Variants in ACACA observed in about 807,000 individuals in gnomAD.
ACACA encodes acetyl-CoA carboxylase alpha, also known as acetyl-CoA carboxylase 1.
A neutral mutation model predicts 296.1 loss-of-function variants in ACACA; 103 were observed. The ratio of observed to expected loss-of-function variants is 0.35; its 90% CI spans 0.30 to 0.41. The LOEUF (loss-of-function observed/expected upper bound fraction) is 0.41, where lower values mean the gene tolerates loss of function less well. ACACA is among the 10% of genes least tolerant of loss of function. The pLI, the probability that ACACA is intolerant of heterozygous loss-of-function variation, is 1.00. For missense variants in ACACA, 1,554 were observed against 2,989.7 expected (o/e 0.52, Z 11.20); for synonymous variants, 953 against 1,038.6 (o/e 0.92, Z 1.58).
intron 52 of ACACA, among the ~76,000 whole-genome samples, chr17:37,107,468 AT>A (rs914928923): frequency 1.3e-5 from 2 of 152,218 alleles, no homozygotes; most frequent in Non-Finnish European, 2.9e-5. Flanking sequence ...AGAGAAGCGT[AT>A]CCTCACCTGC....
rs1323812964 is a variant in ACACA, at chr17:37,086,721, G to C, written c.*595C>G. 1 of 155,966 alleles carries C rather than the reference G, an allele frequency of 6.4e-6. No individual in the cohort carries two copies. The highest frequency in any genetic ancestry group is 2.4e-5 in the African/African-American group (1 of 41,472). 9.7% of individuals were successfully genotyped at this position (155,966 alleles called of 1,614,324 possible). On this transcript the variant is annotated 3_prime_UTR_variant, in exon 56 of 56. Transcript: ENST00000616317. ...TTGCCCTCATCTTTGAGTTCCTATG[G>C]AGCTTGTAGTAGATTTTATGCTCTA... is the stretch of plus-strand genomic sequence containing the variant.
chr17:37,170,300 C>T (rs1189728245), intron 41 of ACACA, among the ~76,000 whole-genome samples: 1 of 151,750 alleles, frequency 6.6e-6, no homozygotes, highest in African/African-American at 2.4e-5. Context: ...GAATGAACAG[C>T]TCAAGTGAGG....
intron 52 of ACACA, among the ~76,000 whole-genome samples, chr17:37,100,332 C>T (rs571989633): frequency 2.0e-4 from 31 of 152,234 alleles, no homozygotes; most frequent in African/African-American, 6.7e-4. Flanking sequence ...TAGTGAACAA[C>T]ACCTTAAGCA....
At chr17:37,317,443 G>C (rs1227532024) in intron 3 of ACACA, among the ~76,000 whole-genome samples, 1 of 151,970 alleles carries the variant, frequency 6.6e-6, no homozygotes, top group Non-Finnish European at 1.5e-5. Context: ...GCGGGCACCT[G>C]TAATCTCAGC....
intron 18 of ACACA, 125 bp downstream of exon 18, chr17:37,247,886 T>A (rs1403974064): frequency 5.4e-6 from 6 of 1,102,256 alleles, no homozygotes; most frequent in Non-Finnish European, 6.5e-6. Context: ...GTGCATGTAC[T>A]ATTTTTTTTT....
intron 14 of ACACA, 118 bp from the exon 15 acceptor site, chr17:37,253,154 G>A: frequency 7.0e-7 from 1 of 1,431,076 alleles, no homozygotes; most frequent in Non-Finnish European, 9.7e-7. Context: ...CACTTTGGGA[G>A]GCCAAGACAA....
intron 1 of ACACA, chr17:37,365,476 T>C: frequency 1.0e-6 from 1 of 985,480 alleles, no homozygotes; most frequent in Non-Finnish European, 1.2e-6. Flanking sequence ...TGCCTGCTTA[T>C]CCGTCTTCAC....
chr17:37,136,922 G>A (rs1403858283), intron 45 of ACACA, among the ~76,000 whole-genome samples: 2 of 149,524 alleles, frequency 1.3e-5, no homozygotes, highest in African/African-American at 4.9e-5. Context: ...CAGCCTGAGC[G>A]ACAGAGCGAG....
Position 37,096,911 on chromosome 17 carries a change from G to A in ACACA, c.6891+85C>T. 3 of 1,520,156 alleles carry A rather than the reference G, an allele frequency of 2.0e-6. No individual in the cohort carries two copies. The South Asian group carries it at 3.4e-5, about 17-fold the overall frequency. 94.2% of individuals were successfully genotyped at this position (1,520,156 alleles called of 1,614,324 possible). A position where few individuals can be genotyped will look rare whatever the true frequency, so the allele number is the denominator to read the frequency against. ...CTTCTACTCCTGCCCTTAGAGGCCT[G>A]TGGACTCTTTGCTGGCGAGACTTGC... On this transcript the variant is annotated intron_variant, in intron 54 of 55. Transcript: ENST00000616317.
chr17:37,151,726 A>C (rs1289108067), intron 43 of ACACA, among the ~76,000 whole-genome samples: 2 of 152,154 alleles, frequency 1.3e-5, no homozygotes, highest in Non-Finnish European at 2.9e-5. Flanking sequence ...AAGTGGTGCA[A>C]TCAAGGCTCA....
At chr17:37,347,106 G>C (rs1453675962) in intron 1 of ACACA, among the ~76,000 whole-genome samples, 1 of 152,132 alleles carries the variant, frequency 6.6e-6, no homozygotes, top group Non-Finnish European at 1.5e-5. Flanking sequence ...GACCTGGTGG[G>C]AGGTAATCGA....
chr17:37,148,070 T>G (rs1018639885), intron 45 of ACACA, among the ~76,000 whole-genome samples: 2 of 151,944 alleles, frequency 1.3e-5, no homozygotes, highest in African/African-American at 4.8e-5. Flanking sequence ...TGACTGGGTA[T>G]GGGAACATCA....
At chr17:37,164,322 G>A (rs1311132135) in intron 41 of ACACA, among the ~76,000 whole-genome samples, 1 of 152,176 alleles carries the variant, frequency 6.6e-6, no homozygotes, top group African/African-American at 2.4e-5. Flanking sequence ...TAAGCTCTGA[G>A]TACACATTCC....
chr17:37,317,078 A>G (rs1287978940), intron 3 of ACACA, among the ~76,000 whole-genome samples: 2 of 150,494 alleles, frequency 1.3e-5, no homozygotes, highest in Non-Finnish European at 3.0e-5. Flanking sequence ...ACAGAAAAAA[A>G]AAAAAAAGAA....
At position 37,161,557 on chromosome 17, in the gene ACACA, C is replaced by T. The variant is rs114331215; in HGVS notation, c.5349+224G>A. The T allele has an allele frequency of 7.1e-4, 427 of 602,866 alleles. 3 individuals carry two copies. In the African/African-American group the frequency reaches 7.4e-3, roughly 10 times the overall value. 37.3% of individuals were successfully genotyped at this position (602,866 alleles called of 1,614,324 possible). A position where few individuals can be genotyped will look rare whatever the true frequency, so the allele number is the denominator to read the frequency against. The stretch of plus-strand genomic sequence containing the variant: ...TTCATCTAGTGCTCAACCAAAGAAA[C>T]AGCAACCTGTTTTATAGATGGAAGA... On this transcript the variant is annotated intron_variant, in intron 42 of 55. Coordinates refer to ENST00000616317, the MANE Select transcript of ACACA (RefSeq NM_198834.3).
At chr17:37,365,151 G>T (rs986832564) in intron 1 of ACACA, among the ~76,000 whole-genome samples, 2 of 152,104 alleles carry the variant, frequency 1.3e-5, no homozygotes, top group African/African-American at 2.4e-5. Context: ...CAGAGACAGA[G>T]TCTCACTATA....
At chr17:37,328,682 G>A in intron 3 of ACACA, 1 of 379,458 alleles carries the variant, frequency 2.6e-6, no homozygotes, top group Non-Finnish European at 4.7e-6. Flanking sequence ...TTATAGAGTT[G>A]ATATATTTAG....
At chr17:37,397,966 C>T (rs1265390291) in intron 1 of ACACA, among the ~76,000 whole-genome samples, 1 of 152,120 alleles carries the variant, frequency 6.6e-6, no homozygotes, top group Non-Finnish European at 1.5e-5. Flanking sequence ...CGCGGTGACT[C>T]ACTCCTGTAA....
rs146015300 is a variant in ACACA at position 37,383,374 on chromosome 17, A to T, written c.38+22888T>A. ...TGGTTAGCCTCCCAGAGAAAAAGAAACTCTTCCTCTTTCCTTCATAACATA... is the reference window on the plus strand; with the variant it reads ...TGGTTAGCCTCCCAGAGAAAAAGAATCTCTTCCTCTTTCCTTCATAACATA... On this transcript the variant is annotated intron_variant, in intron 1 of 55. Transcript: ENST00000616317. Among the ~76,000 whole-genome samples the T allele has an allele frequency of 5.4e-3, 814 of 151,960 alleles. 6 individuals carry two copies. Among genetic ancestry groups the T allele is most frequent in the Non-Finnish European group, 7.7e-3 (525 of 67,968 alleles).
Sources: gnomAD v4.1 joint callset for allele counts (sites outside exome capture counted in the v4.1 genomes callset) on GRCh38, gnomAD v4.1.1 for gene constraint, MANE v1.5 for transcripts, NCBI Gene and HGNC (gene_info 2026-07-23, HGNC 2026-07-21) for gene names.